AK9: variants seen among roughly 807,000 people sequenced by gnomAD.
AK9 encodes adenylate kinase 9.
AK9 carries 191 observed loss-of-function variants against 239.6 expected under a neutral mutation model. The ratio of observed to expected loss-of-function variants is 0.80; its 90% CI spans 0.71 to 0.90. AK9 has a LOEUF of 0.90. Ranked by LOEUF, AK9 falls within the 40% of genes least tolerant of loss-of-function variation. The pLI, the probability that AK9 is intolerant of heterozygous loss-of-function variation, is 0.00. For missense variants in AK9, 1,995 were observed against 2,214.7 expected (o/e 0.90, Z 1.99); for synonymous variants, 689 against 721.0 (o/e 0.96, Z 0.71).
intron 16 of AK9, among the ~76,000 whole-genome samples, chr6:109,611,096 T>C (rs1168251166): frequency 6.6e-6 from 1 of 152,184 alleles, no homozygotes; most frequent in Non-Finnish European, 1.5e-5. Context: ...AGATAGGAGT[T>C]TGGCAGTTTC....
At chr6:109,497,439 A>G (rs1777192093) in intron 38 of AK9, 26 bp downstream of exon 38, 4 of 1,446,530 alleles carry the variant, frequency 2.8e-6, no homozygotes, top group Non-Finnish European at 3.9e-6. Flanking sequence ...GATTTTCAGT[A>G]AATATTTGTG....
chr6:109,548,475 A>G (rs1253662983), intron 25 of AK9, among the ~76,000 whole-genome samples: 1 of 152,218 alleles, frequency 6.6e-6, no homozygotes, highest in East Asian at 1.9e-4. Flanking sequence ...CAAAGAGATC[A>G]GCAGTTTCCA....
intron 36 of AK9, among the ~76,000 whole-genome samples, chr6:109,498,237 A>G (rs867864066): frequency 6.6e-6 from 1 of 152,190 alleles, no homozygotes; most frequent in Non-Finnish European, 1.5e-5. Context: ...GTCACTGGAG[A>G]GAGCAGGCCC....
At chr6:109,615,933 A>AT (rs1274334418) in intron 13 of AK9, among the ~76,000 whole-genome samples, 2 of 151,744 alleles carry the variant, frequency 1.3e-5, no homozygotes, top group Admixed American at 6.6e-5. Flanking sequence ...AAAAGTAAAA[A>AT]AAATGTTATA....
At chr6:109,601,502 T>C (rs534387878) in intron 17 of AK9, among the ~76,000 whole-genome samples, 36 of 152,336 alleles carry the variant, frequency 2.4e-4, no homozygotes, top group African/African-American at 8.2e-4. Flanking sequence ...CTTCCAACTA[T>C]GTGGTCAATT....
Position 109,515,984 on chromosome 6 carries a change from T to C in AK9, c.3938A>G (p.Lys1313Arg). The change falls in exon 31 of 41, where the codon AAA (lysine) becomes AGA (arginine). Residue 1313 changes from lysine to arginine, a missense_variant. Lys to Arg is a conservative substitution (Grantham distance 26). Around this residue, in one of 5 missense-constraint regions of AK9, gnomAD observed 1,290 missense variants for 1,392.7 expected, o/e 0.93. Coordinates refer to ENST00000424296, the MANE Select transcript of AK9 (RefSeq NM_001145128.3). ...IVQYTLNMKL[K>R]PLVENRASIF... ...GCTTGCACGATTTTCCACCAGTGGT[T>C]TCAGTTTCATATTCAATGTATATTG... is the stretch of plus-strand genomic sequence containing the variant. 6.4e-7 allele frequency: 1 copy of C among 1,551,448 alleles called. No homozygotes were observed. The highest frequency in any genetic ancestry group is 1.2e-5 in the South Asian group (1 of 84,046).
chr6:109,527,824 T>C (rs1182591687), intron 29 of AK9: 1 of 152,208 alleles, frequency 6.6e-6, no homozygotes, highest in Non-Finnish European at 1.5e-5. Context: ...CATTCTAATG[T>C]TAACAAATGA....
chr6:109,559,921 T>C (rs527445970), intron 24 of AK9, among the ~76,000 whole-genome samples: 58 of 152,326 alleles, frequency 3.8e-4, no homozygotes, highest in African/African-American at 1.3e-3. Flanking sequence ...AGAGAATCCA[T>C]TCCTGCTTCT....
At chr6:109,535,012 A>G (rs2128138033) in intron 27 of AK9, among the ~76,000 whole-genome samples, 2 of 152,210 alleles carry the variant, frequency 1.3e-5, no homozygotes, top group African/African-American at 4.8e-5. Flanking sequence ...TCATTGATGG[A>G]CATTTGGTTT....
chr6:109,664,532 C>T (rs1230362308), intron 5 of AK9, among the ~76,000 whole-genome samples: 1 of 152,054 alleles, frequency 6.6e-6, no homozygotes, highest in East Asian at 2.0e-4. Context: ...TCAAGTGATT[C>T]TCCTGCCTCA....
intron 24 of AK9, among the ~76,000 whole-genome samples, chr6:109,562,750 GTT>G (rs11287572): frequency 6.6e-6 from 1 of 151,302 alleles, no homozygotes; most frequent in Non-Finnish European, 1.5e-5. Context: ...AATTGGGAGG[GTT>G]TTTTTTTAAT....
Position 109,623,538 on chromosome 6 carries a change from T to A in AK9, c.1255-4302A>T, listed in dbSNP as rs992718296. ...AGTGTCAGATGAGTGCAGCCCCAGA[T>A]GACATCTTACCTGTAACCTCATGAA... is the stretch of plus-strand genomic sequence containing the variant. On this transcript the variant is annotated intron_variant, in intron 12 of 40. Transcript: ENST00000424296. 6.6e-5 allele frequency among the ~76,000 whole-genome samples: 10 copies of A among 152,230 alleles called. No homozygotes were observed. The East Asian group carries it at 1.2e-3, about 18-fold the overall frequency.
At chr6:109,614,571 C>T in intron 13 of AK9, 91 bp from the exon 14 acceptor site, 1 of 1,017,106 alleles carries the variant, frequency 9.8e-7, no homozygotes, top group South Asian at 1.4e-5. Context: ...CAAAGTTAGA[C>T]ACAGTTGAGT....
intron 17 of AK9, among the ~76,000 whole-genome samples, chr6:109,605,455 C>T (rs1040796921): frequency 6.6e-6 from 1 of 151,954 alleles, no homozygotes; most frequent in African/African-American, 2.4e-5. Flanking sequence ...TTTTCATCCC[C>T]ACTCTGAGAA....
At chr6:109,654,332 A>AAT (rs1293100673) in intron 8 of AK9, among the ~76,000 whole-genome samples, 1 of 151,734 alleles carries the variant, frequency 6.6e-6, no homozygotes, top group Non-Finnish European at 1.5e-5. Flanking sequence ...TTTTATATAT[A>AAT]ATATATATAT....
intron 29 of AK9, chr6:109,527,620 A>AC (rs1345436343): frequency 1.3e-5 from 2 of 151,966 alleles, no homozygotes; most frequent in Non-Finnish European, 2.9e-5. Flanking sequence ...GAAAAAAAAA[A>AC]CCCCACATAC....
intron 9 of AK9, among the ~76,000 whole-genome samples, chr6:109,641,825 A>G (rs1291403598): frequency 1.3e-5 from 2 of 152,134 alleles, no homozygotes; most frequent in African/African-American, 2.4e-5. Flanking sequence ...TGTCACAGAA[A>G]CATCTTCTCC....
At chr6:109,498,316 T>C (rs1418812246) in intron 36 of AK9, among the ~76,000 whole-genome samples, 2 of 152,176 alleles carry the variant, frequency 1.3e-5, no homozygotes, top group Non-Finnish European at 2.9e-5. Flanking sequence ...TGAGTTAACT[T>C]CTCCAGCTTC....
chr6:109,649,547 AAGG>A (rs1197274953), intron 8 of AK9, among the ~76,000 whole-genome samples: 5 of 152,250 alleles, frequency 3.3e-5, no homozygotes, highest in East Asian at 1.9e-4. Context: ...GGACCTCTTC[AAGG>A]AGAACTACAA....
Sources: allele counts gnomAD v4.1 joint callset (sites outside exome capture counted in the v4.1 genomes callset), GRCh38; gene constraint gnomAD v4.1.1; regional missense constraint gnomAD v4.1.1; transcripts MANE v1.5; gene names NCBI Gene and HGNC (gene_info 2026-07-23, HGNC 2026-07-21).